GPC6: variants seen among roughly 807,000 people sequenced by gnomAD.
GPC6 encodes glypican 6, also known as glypican-6.
GPC6 carries 14 observed loss-of-function variants against 55.2 expected under a neutral mutation model. That is an observed-to-expected ratio of 0.25 (90% CI 0.17 to 0.40). The LOEUF (loss-of-function observed/expected upper bound fraction) is 0.40. GPC6 is among the 10% of genes least tolerant of loss of function. The probability of loss-of-function intolerance (pLI) is 1.00; values close to 1 mark genes in which losing one functional copy is unlikely to be tolerated. For synonymous variants in GPC6, 278 were observed against 259.6 expected (o/e 1.07, Z -0.68); for missense variants, 641 against 708.5 (o/e 0.90, Z 1.08).
intron 4 of GPC6, among the ~76,000 whole-genome samples, chr13:94,213,785 G>A (rs1890152840): frequency 6.6e-6 from 1 of 152,088 alleles, no homozygotes; most frequent in African/African-American, 2.4e-5. Context: ...TCAATTCACA[G>A]GATCATCCCA....
chr13:93,428,884 A>G (rs1877251988), intron 1 of GPC6, among the ~76,000 whole-genome samples: 1 of 152,174 alleles, frequency 6.6e-6, no homozygotes, highest in Non-Finnish European at 1.5e-5. Context: ...GAAATCACAC[A>G]TTTAATCTCA....
chr13:94,176,091 A>C (rs1166106267), intron 4 of GPC6, among the ~76,000 whole-genome samples: 1 of 151,952 alleles, frequency 6.6e-6, no homozygotes, highest in Non-Finnish European at 1.5e-5. Context: ...TCCTGGAAAT[A>C]AGCTCCTTAT....
chr13:94,363,143 T>G (rs1879133352), intron 6 of GPC6, among the ~76,000 whole-genome samples: 1 of 152,170 alleles, frequency 6.6e-6, no homozygotes, highest in African/African-American at 2.4e-5. Context: ...TTTCCTTTAT[T>G]AAAACCACCA....
intron 2 of GPC6, among the ~76,000 whole-genome samples, chr13:93,825,910 A>T (rs568712707): frequency 1.2e-3 from 163 of 138,418 alleles, no homozygotes; most frequent in Middle Eastern, 4.1e-3. Flanking sequence ...CCCCAGGCTG[A>T]AGTGCAGCAG....
intron 6 of GPC6, among the ~76,000 whole-genome samples, chr13:94,368,634 T>C (rs532801663): frequency 9.3e-5 from 14 of 151,230 alleles, no homozygotes; most frequent in African/African-American, 3.1e-4. Context: ...ATTGTGTTTA[T>C]AGATATTTGG....
chr13:93,737,240 GA>G (rs1440673387), intron 2 of GPC6, among the ~76,000 whole-genome samples: 2 of 152,120 alleles, frequency 1.3e-5, no homozygotes, highest in African/African-American at 4.8e-5. Flanking sequence ...TTTCAAGCAA[GA>G]AGACCAAAAT....
intron 2 of GPC6, among the ~76,000 whole-genome samples, chr13:93,638,289 C>T (rs568174962): frequency 2.0e-5 from 3 of 152,056 alleles, no homozygotes; most frequent in African/African-American, 7.2e-5. Context: ...GAGGCATAGC[C>T]CTTTTATGCA....
At chr13:93,416,880 A>G (rs76508822) in intron 1 of GPC6, among the ~76,000 whole-genome samples, 3,057 of 152,268 alleles carry the variant, frequency 0.02, 118 homozygotes, top group African/African-American at 0.069. Flanking sequence ...AATAAACAGC[A>G]GAGTCTGGCC....
intron 1 of GPC6, among the ~76,000 whole-genome samples, chr13:93,233,572 T>A (rs1876134580): frequency 6.6e-6 from 1 of 152,198 alleles, no homozygotes; most frequent in Non-Finnish European, 1.5e-5. Flanking sequence ...CACAATGAAT[T>A]AATTCCAACT....
rs1239502519 is a variant in GPC6 at position 93,311,127 on chromosome 13, G to A, written c.160+83511G>A. 2.6e-5 allele frequency among the ~76,000 whole-genome samples: 4 copies of A among 152,208 alleles called. 1 individual carries two copies. In the South Asian group the frequency reaches 6.2e-4, roughly 24 times the overall value. On this transcript the variant is annotated intron_variant, in intron 1 of 8. Coordinates refer to ENST00000377047, the MANE Select transcript of GPC6 (RefSeq NM_005708.5). ...CCATGGCCCTAAAGTCTAGACCTCC[G>A]GCATCAGAAAGGGTAGGGCAATGCC...
chr13:93,773,628 A>G (rs1264999612), intron 2 of GPC6, among the ~76,000 whole-genome samples: 3 of 152,130 alleles, frequency 2.0e-5, no homozygotes, highest in Non-Finnish European at 2.9e-5. Flanking sequence ...ACTTGAGCCC[A>G]TGGTTTTCTC....
At chr13:93,824,461 A>C (rs1400053043) in intron 2 of GPC6, among the ~76,000 whole-genome samples, 2 of 152,212 alleles carry the variant, frequency 1.3e-5, no homozygotes, top group African/African-American at 4.8e-5. Flanking sequence ...GAGATAATGC[A>C]CTATGAAGTC....
chr13:93,417,927 T>C (rs1254775016), intron 1 of GPC6, among the ~76,000 whole-genome samples: 1 of 152,062 alleles, frequency 6.6e-6, no homozygotes, highest in Admixed American at 6.6e-5. Context: ...TTCATTTCAT[T>C]TGTCAACGAT....
At chr13:93,542,624 A>G (rs1330590022) in intron 1 of GPC6, among the ~76,000 whole-genome samples, 1 of 152,074 alleles carries the variant, frequency 6.6e-6, no homozygotes, top group Admixed American at 6.6e-5. Context: ...CAGTATGGCC[A>G]TTTTCGTGAT....
At chr13:94,365,165 C>T (rs749506814) in intron 6 of GPC6, among the ~76,000 whole-genome samples, 1 of 152,184 alleles carries the variant, frequency 6.6e-6, no homozygotes, top group Non-Finnish European at 1.5e-5. Flanking sequence ...GTAGGTAAAA[C>T]CAAACGGATC....
In GPC6 at chr13:93,468,164, G is replaced by A. The variant is rs542365469; in HGVS notation, c.161-77099G>A. On this transcript the variant is annotated intron_variant, in intron 1 of 8. Coordinates refer to ENST00000377047, the MANE Select transcript of GPC6 (RefSeq NM_005708.5). Reference sequence around the variant, plus strand: ...CTGAAAACTCTTTAGTAGAGTCATAGAAAGTAAAATTTTTCATTTTATGCC... The same window carrying A: ...CTGAAAACTCTTTAGTAGAGTCATAAAAAGTAAAATTTTTCATTTTATGCC... Among the ~76,000 whole-genome samples, 510 of 152,008 alleles carry A rather than the reference G, an allele frequency of 3.4e-3. 6 individuals carry two copies. The highest frequency in any genetic ancestry group is 5.1e-3 in the Non-Finnish European group (348 of 68,012).
At chr13:93,991,445 G>A (rs1881302924) in intron 3 of GPC6, among the ~76,000 whole-genome samples, 1 of 152,106 alleles carries the variant, frequency 6.6e-6, no homozygotes, top group East Asian at 1.9e-4. Flanking sequence ...TCCTTTGTTT[G>A]AGAGTAGATG....
chr13:94,133,269 A>C (rs1486404283), intron 4 of GPC6, among the ~76,000 whole-genome samples: 514 of 28,578 alleles, frequency 0.018, 2 homozygotes, highest in Middle Eastern at 0.05. Context: ...ACCAGTGACA[A>C]AAAAAAAAAA....
chr13:93,941,495 A>G lies in GPC6; in HGVS notation c.712-86234A>G, dbSNP rs1878734626. Among the ~76,000 whole-genome samples, 5 of 152,350 alleles carry G rather than the reference A, an allele frequency of 3.3e-5. No homozygotes were observed. In the South Asian group the frequency reaches 8.3e-4, roughly 25 times the overall value. On this transcript the variant is annotated intron_variant, in intron 3 of 8. Transcript: ENST00000377047. The stretch of plus-strand genomic sequence containing the variant: ...CAAGCCAATTGTGTGACATGTTGAC[A>G]GTGGCAGTGCAGTACGTACTGCTCC...
Sources: allele counts gnomAD v4.1 joint callset (sites outside exome capture counted in the v4.1 genomes callset), GRCh38; gene constraint gnomAD v4.1.1; transcripts MANE v1.5; gene names NCBI Gene and HGNC (gene_info 2026-07-23, HGNC 2026-07-21).